Variants in GLDC observed in about 807,000 individuals in gnomAD.
GLDC encodes glycine dehydrogenase (decarboxylating), mitochondrial.
GLDC carries 104 observed loss-of-function variants against 121.3 expected under a neutral mutation model. That is an observed-to-expected ratio of 0.86 (90% confidence interval 0.73 to 1.01). The LOEUF (loss-of-function observed/expected upper bound fraction) is 1.01. Ranked by LOEUF, GLDC falls within the 50% of genes least tolerant of loss-of-function variation. GLDC has a pLI of 0.00. For synonymous variants in GLDC, 546 were observed against 480.6 expected, an observed-to-expected ratio of 1.14 and a Z score of -1.78; for missense variants, 1,429 against 1,306.6, an observed-to-expected ratio of 1.09 and a Z score of -1.44.
At chr9:6,534,519 T>C (rs1817075471) in intron 24 of GLDC, among the ~76,000 whole-genome samples, 189 bp downstream of exon 24, 1 of 152,188 alleles carries the variant, frequency 6.6e-6, no homozygotes, top group Non-Finnish European at 1.5e-5. Flanking sequence ...TTCCCAGATC[T>C]GTGGTTGATA....
intron 3 of GLDC, among the ~76,000 whole-genome samples, chr9:6,611,450 G>A (rs1301738776): frequency 6.6e-6 from 1 of 152,144 alleles, no homozygotes; most frequent in African/African-American, 2.4e-5. Flanking sequence ...CAGCTACTCA[G>A]GAGGCTGAGG....
chr9:6,573,513 C>G (rs1818005167), intron 15 of GLDC, among the ~76,000 whole-genome samples: 1 of 149,022 alleles, frequency 6.7e-6, no homozygotes. Context: ...AAAAAAAATC[C>G]ATCATCAGTG....
chr9:6,571,320 C>A (rs546989166), intron 15 of GLDC, among the ~76,000 whole-genome samples: 1 of 152,190 alleles, frequency 6.6e-6, no homozygotes, highest in South Asian at 2.1e-4. Context: ...AGGTGTACTA[C>A]GATTTTTCCT....
intron 9 of GLDC, among the ~76,000 whole-genome samples, chr9:6,593,908 G>A (rs140091406): frequency 4.6e-5 from 7 of 151,938 alleles, no homozygotes; most frequent in African/African-American, 1.7e-4. Flanking sequence ...GGCCAGGCTG[G>A]TCTTGAACTC....
rs536704522 is a variant in GLDC, at chr9:6,619,499, G to T, written c.470+685C>A. ...TCCCAGCACTTTGGGAGGCTGAAGC[G>T]GGCGGATCACCTGAGGTCAGGAGTT... On this transcript the variant is annotated intron_variant, in intron 3 of 24. Transcript: ENST00000321612. Among the ~76,000 whole-genome samples the T allele has an allele frequency of 7.2e-5, 11 of 152,112 alleles. No homozygotes were observed. The South Asian group carries it at 2.3e-3, about 32-fold the overall frequency.
At chr9:6,562,144 A>G (rs1817771017) in intron 16 of GLDC, among the ~76,000 whole-genome samples, 1 of 152,228 alleles carries the variant, frequency 6.6e-6, no homozygotes, top group South Asian at 2.1e-4. Flanking sequence ...ACAAATTGAA[A>G]TATTAATTAT....
At chr9:6,643,800 G>A (rs1218854968) in intron 2 of GLDC, among the ~76,000 whole-genome samples, 1 of 151,834 alleles carries the variant, frequency 6.6e-6, no homozygotes, top group Non-Finnish European at 1.5e-5. Flanking sequence ...TTGGGAGGCC[G>A]AGGCAGACGG....
At chr9:6,558,323 G>C in intron 17 of GLDC, 1 of 630,516 alleles carries the variant, frequency 1.6e-6, no homozygotes, top group Non-Finnish European at 2.8e-6. Flanking sequence ...TCTGCAAGGA[G>C]TACTCTTACT....
chr9:6,633,272 T>A (rs1819429192), intron 2 of GLDC, among the ~76,000 whole-genome samples: 1 of 152,134 alleles, frequency 6.6e-6, no homozygotes, highest in African/African-American at 2.4e-5. Context: ...CCTGCCTCTC[T>A]CCTTCTGCAT....
chr9:6,629,801 A>G (rs1417398880), intron 2 of GLDC, among the ~76,000 whole-genome samples: 2 of 151,262 alleles, frequency 1.3e-5, no homozygotes, highest in African/African-American at 4.9e-5. Flanking sequence ...CAATATTGTT[A>G]TCATTTATAT....
At chr9:6,547,859 G>C (rs183098739) in intron 21 of GLDC, among the ~76,000 whole-genome samples, 2 of 152,228 alleles carry the variant, frequency 1.3e-5, no homozygotes, top group Non-Finnish European at 2.9e-5. Flanking sequence ...GCCAGGTGCA[G>C]TGGCTCACAC....
intron 15 of GLDC, among the ~76,000 whole-genome samples, chr9:6,575,606 T>C (rs1466989143): frequency 6.6e-6 from 1 of 152,210 alleles, no homozygotes; most frequent in Non-Finnish European, 1.5e-5. Flanking sequence ...ATGAAGGAGA[T>C]TCTGGGAAAA....
chr9:6,617,198 G>A (rs117915178), intron 3 of GLDC, among the ~76,000 whole-genome samples: 12 of 152,198 alleles, frequency 7.9e-5, no homozygotes, highest in Middle Eastern at 3.4e-3. Context: ...CCCTATCAGC[G>A]CTGGTGGGGT....
At chr9:6,534,508 G>A (rs2282161) in intron 24 of GLDC, among the ~76,000 whole-genome samples, 200 bp downstream of exon 24, 40,363 of 152,086 alleles carry the variant, frequency 0.27, 6,313 homozygotes, top group East Asian at 0.49. Context: ...TTCCCTATGG[G>A]TTCCCAGATC....
At chr9:6,606,989 G>C (rs1005050748) in intron 4 of GLDC, among the ~76,000 whole-genome samples, 11 of 152,068 alleles carry the variant, frequency 7.2e-5, no homozygotes, top group Non-Finnish European at 1.5e-4. Flanking sequence ...CTTGAACCAG[G>C]GAGGCCGAGG....
At chr9:6,616,406 T>C (rs557258668) in intron 3 of GLDC, among the ~76,000 whole-genome samples, 54 of 152,358 alleles carry the variant, frequency 3.5e-4, no homozygotes, top group Non-Finnish European at 6.8e-4. Context: ...ATGCCAAATA[T>C]GTAATCTCAC....
intron 22 of GLDC, among the ~76,000 whole-genome samples, chr9:6,539,247 G>T (rs575216368): frequency 1.3e-5 from 2 of 152,270 alleles, no homozygotes; most frequent in African/African-American, 4.8e-5. Context: ...GGAGGCCGAG[G>T]TGGGTGGATT....
intron 4 of GLDC, among the ~76,000 whole-genome samples, chr9:6,609,633 G>A (rs1049896107): frequency 6.0e-5 from 9 of 150,654 alleles, no homozygotes; most frequent in African/African-American, 2.0e-4. Context: ...CCCACCCCCA[G>A]CCACATCTAT....
intron 5 of GLDC, chr9:6,605,489 T>C: frequency 3.3e-6 from 2 of 614,020 alleles, no homozygotes; most frequent in Non-Finnish European, 5.9e-6. Context: ...GTTCCTCTCT[T>C]CTATCCTCTG....
Sources: allele counts gnomAD v4.1 joint callset (sites outside exome capture counted in the v4.1 genomes callset), GRCh38; gene constraint gnomAD v4.1.1; transcripts MANE v1.5; gene names NCBI Gene and HGNC (gene_info 2026-07-23, HGNC 2026-07-21).